LRP12: variants seen among roughly 807,000 people sequenced by gnomAD.
LRP12 encodes LDL receptor related protein 12.
Under a neutral mutation model 66.0 loss-of-function variants are expected in LRP12, and 14 were observed. The ratio of observed to expected loss-of-function variants is 0.21; its 90% CI spans 0.14 to 0.33. The LOEUF (loss-of-function observed/expected upper bound fraction) is 0.33. Among genes scored for constraint, LRP12 ranks in the 10% least tolerant of loss-of-function variants. The pLI, the probability that LRP12 is intolerant of heterozygous loss-of-function variation, is 1.00. For synonymous variants in LRP12, 357 were observed against 359.1 expected, an observed-to-expected ratio of 0.99 and a Z score of 0.07; for missense variants, 889 against 1,053.4, an observed-to-expected ratio of 0.84 and a Z score of 2.16.
rs567660956 is a variant in LRP12, at chr8:104,513,395, C to T, written c.137-4321G>A. ...TGATTACCTCTAAGGTCTATTTCAG[C>T]CCTCAATCATGCACCTCTTCCCACT... On this transcript the variant is annotated intron_variant, in intron 2 of 6. Transcript: ENST00000276654. Among the ~76,000 whole-genome samples, 26 of 152,236 alleles carry T rather than the reference C, an allele frequency of 1.7e-4. 1 individual carries two copies. Among genetic ancestry groups the T allele is most frequent in the African/African-American group, 6.3e-4 (26 of 41,542 alleles).
chr8:104,491,387 T>C lies in LRP12; in HGVS notation c.1866A>G (p.Ser622=). ...TAGGGACAACCTCATCTCCATCTGCTGAGACCAAAGCCAATGACCCAGAAT... is the reference window on the plus strand; with the variant it reads ...TAGGGACAACCTCATCTCCATCTGCCGAGACCAAAGCCAATGACCCAGAAT... The part of the protein sequence containing the change: ...SRHSGSLALV[S]ADGDEVVPSQ... Residue 622 remains serine (S), a synonymous_variant, in exon 7 of 7, where the codon TCA becomes TCG. Coordinates refer to ENST00000276654, the MANE Select transcript of LRP12 (RefSeq NM_013437.5). The C allele has an allele frequency of 6.2e-7, 1 of 1,614,114 alleles. No homozygotes were observed. The highest frequency in any genetic ancestry group is 1.6e-4 in the Middle Eastern group (1 of 6,062).
At chr8:104,496,828 CG>C in intron 5 of LRP12, 143 bp downstream of exon 5, 2 of 762,858 alleles carry the variant, frequency 2.6e-6, no homozygotes, top group Non-Finnish European at 3.7e-6. Flanking sequence ...GGGTTTTTCA[CG>C]CTAATTTTAT....
intron 1 of LRP12, among the ~76,000 whole-genome samples, chr8:104,546,266 A>G (rs1309088803): frequency 6.6e-6 from 1 of 152,146 alleles, no homozygotes; most frequent in Non-Finnish European, 1.5e-5. Flanking sequence ...GGTATAACTT[A>G]TATGCAAAAA....
At chr8:104,577,816 A>AG (rs1812188969) in intron 1 of LRP12, among the ~76,000 whole-genome samples, 1 of 150,458 alleles carries the variant, frequency 6.6e-6, no homozygotes, top group African/African-American at 2.4e-5. Flanking sequence ...ATCTCAAAAA[A>AG]AAAAAAAAAA....
At chr8:104,519,818 T>G (rs1811121356) in intron 2 of LRP12, among the ~76,000 whole-genome samples, 1 of 152,092 alleles carries the variant, frequency 6.6e-6, no homozygotes, top group Non-Finnish European at 1.5e-5. Context: ...AATATTCTTC[T>G]GCATTAGTAC....
At position 104,566,016 on chromosome 8, in the gene LRP12, A is replaced by G. The variant is rs1017247262; in HGVS notation, c.79+22803T>C. 85 of 186,050 alleles carry G rather than the reference A, an allele frequency of 4.6e-4. 1 individual carries two copies. The highest frequency in any genetic ancestry group is 1.9e-3 in the African/African-American group (80 of 42,350). The allele number at this position is 186,050 out of a possible 1,614,324, so 11.5% of individuals were successfully genotyped here. The stretch of plus-strand genomic sequence containing the variant: ...AGATGCGGGGAGAGGGAGAGGACGC[A>G]GCAAAATAAAATTCAGCCTGATTAA... On this transcript the variant is annotated intron_variant, in intron 1 of 6. Coordinates refer to ENST00000276654, the MANE Select transcript of LRP12 (RefSeq NM_013437.5).
chr8:104,495,846 T>G (rs548303693), intron 5 of LRP12: 2 of 150,446 alleles, frequency 1.3e-5, no homozygotes, highest in African/African-American at 4.9e-5. Flanking sequence ...CGCTTGAACC[T>G]GGGAGACGGA....
chr8:104,543,920 T>TCAAAA (rs750150191), intron 1 of LRP12, among the ~76,000 whole-genome samples: 1 of 151,940 alleles, frequency 6.6e-6, no homozygotes, highest in South Asian at 2.1e-4. Context: ...ACACTCCATC[T>TCAAAA]CAAAACAAAA....
chr8:104,552,319 T>C (rs1334188311), intron 1 of LRP12, among the ~76,000 whole-genome samples: 1 of 152,114 alleles, frequency 6.6e-6, no homozygotes, highest in African/African-American at 2.4e-5. Flanking sequence ...TCCTGGGTTC[T>C]TAACAGCTTA....
At chr8:104,550,162 A>T (rs1339249191) in intron 1 of LRP12, among the ~76,000 whole-genome samples, 1 of 152,148 alleles carries the variant, frequency 6.6e-6, no homozygotes, top group Non-Finnish European at 1.5e-5. Context: ...TAATTCTTAC[A>T]GCACCCCTCT....
At chr8:104,492,848 TAAAAAA>T (rs532270334) in intron 6 of LRP12, among the ~76,000 whole-genome samples, 1 of 144,144 alleles carries the variant, frequency 6.9e-6, no homozygotes, top group East Asian at 2.0e-4. Flanking sequence ...AACTACAAAT[TAAAAAA>T]AAAAAGAAAA....
intron 1 of LRP12, among the ~76,000 whole-genome samples, chr8:104,550,170 T>C (rs1470319720): frequency 6.6e-6 from 1 of 152,028 alleles, no homozygotes; most frequent in Non-Finnish European, 1.5e-5. Flanking sequence ...ACAGCACCCC[T>C]CTAAAATAGA....
At chr8:104,537,113 T>C (rs1811402423) in intron 1 of LRP12, among the ~76,000 whole-genome samples, 1 of 151,588 alleles carries the variant, frequency 6.6e-6, no homozygotes, top group African/African-American at 2.4e-5. Flanking sequence ...TGTAAGACTG[T>C]GATCCCTGAG....
At chr8:104,501,995 TG>T (rs980502904) in intron 3 of LRP12, among the ~76,000 whole-genome samples, 1 of 152,208 alleles carries the variant, frequency 6.6e-6, no homozygotes, top group African/African-American at 2.4e-5. Context: ...TAAATTTTCG[TG>T]TTTTCAAGTA....
chr8:104,588,088 G>T (rs1187532279), intron 1 of LRP12, among the ~76,000 whole-genome samples: 3 of 152,182 alleles, frequency 2.0e-5, no homozygotes, highest in African/African-American at 7.2e-5. Flanking sequence ...CCGATCCATC[G>T]ACTGGAATAA....
Position 104,497,520 on chromosome 8 carries a change from A to G in LRP12, c.1032T>C (p.Val344=), listed in dbSNP as rs745411588. The change falls in exon 5 of 7, where the codon GTT becomes GTC. Residue 344 remains valine (V), a synonymous_variant. Transcript: ENST00000276654. This position sits in a 1 kb window ranked among gnomAD's most constrained non-coding sequence, Gnocchi z 4.3. ...GTACCCTTATCTGTCCAGAAGAAGA[A>G]ACAACTGTAAGAGGTGCATGAGAAT... ...AFDSHAPLTV[V]SSSGQIRVHF... is the part of the protein sequence containing the mutation. 6 of 1,614,114 alleles carry G rather than the reference A, an allele frequency of 3.7e-6. No individual in the cohort carries two copies. The highest frequency in any genetic ancestry group is 2.2e-5 in the South Asian group (2 of 91,056).
intron 2 of LRP12, among the ~76,000 whole-genome samples, chr8:104,526,754 T>C (rs1235561076): frequency 6.7e-6 from 1 of 148,306 alleles, no homozygotes; most frequent in Non-Finnish European, 1.5e-5. Flanking sequence ...GGCATTACCA[T>C]TCAGGACATA....
intron 1 of LRP12, among the ~76,000 whole-genome samples, chr8:104,571,873 C>T (rs533658886): frequency 6.6e-6 from 1 of 152,308 alleles, no homozygotes; most frequent in Non-Finnish European, 1.5e-5. Flanking sequence ...ACCAGGTCTG[C>T]AGAAAAATTG....
chr8:104,557,133 T>C (rs1811822335), intron 1 of LRP12, among the ~76,000 whole-genome samples: 1 of 152,228 alleles, frequency 6.6e-6, no homozygotes, highest in African/African-American at 2.4e-5. Context: ...AAGCCATCTA[T>C]GACAAACCCA....
Sources: gnomAD v4.1 joint callset for allele counts (sites outside exome capture counted in the v4.1 genomes callset) on GRCh38, gnomAD v4.1.1 for gene constraint, Gnocchi (gnomAD v3.1) non-coding constraint, MANE v1.5 for transcripts, NCBI Gene and HGNC (gene_info 2026-07-23, HGNC 2026-07-21) for gene names.